Variants in ANK2 observed in about 807,000 individuals in gnomAD.
ANK2 encodes ankyrin-2.
ANK2 carries 83 observed loss-of-function variants against 360.5 expected under a neutral mutation model. The ratio of observed to expected loss-of-function variants is 0.23; its 90% confidence interval spans 0.19 to 0.28. The LOEUF (loss-of-function observed/expected upper bound fraction) is 0.28. ANK2 is among the 10% of genes least tolerant of loss of function. The pLI is 1.00. For missense variants in ANK2, 4,201 were observed against 4,795.7 expected, an observed-to-expected ratio of 0.88 and a Z score of 3.66; for synonymous variants, 1,740 against 1,759.5, an observed-to-expected ratio of 0.99 and a Z score of 0.28.
intron 2 of ANK2, among the ~76,000 whole-genome samples, chr4:113,027,501 G>T (rs191768550): frequency 2.2e-3 from 340 of 152,196 alleles, no homozygotes; most frequent in Admixed American, 4.7e-3. Context: ...CTTCTACTGA[G>T]TTCAGTGTCT....
intron 2 of ANK2, among the ~76,000 whole-genome samples, chr4:112,937,669 T>C (rs1033992504): frequency 7.9e-5 from 12 of 152,212 alleles, no homozygotes; most frequent in Non-Finnish European, 1.6e-4. Flanking sequence ...GTCTGATTAG[T>C]TTGGTTTCCT....
At chr4:112,812,321 G>A in the ANK2 span, among the ~76,000 whole-genome samples, 1 of 152,088 alleles carries the variant, frequency 6.6e-6, no homozygotes, top group Non-Finnish European at 1.5e-5. Flanking sequence ...ATTTACCAAA[G>A]CAGGATACAC....
At chr4:112,731,954 C>T in the ANK2 span, among the ~76,000 whole-genome samples, 1 of 152,116 alleles carries the variant, frequency 6.6e-6, no homozygotes, top group Non-Finnish European at 1.5e-5. Context: ...CCATGCCTGG[C>T]TCAGGGATTT....
intron 1 of ANK2, among the ~76,000 whole-genome samples, chr4:112,830,049 G>A (rs2059384669): frequency 6.6e-6 from 1 of 152,182 alleles, no homozygotes; most frequent in South Asian, 2.1e-4. Context: ...TCCACTGCTG[G>A]TGGGAATGTA....
rs145381736 is a variant in ANK2, at chr4:113,371,588, T to C, written c.11611-1502T>C. On this transcript the variant is annotated intron_variant, in intron 43 of 45. Coordinates refer to ENST00000357077, the MANE Select transcript of ANK2 (RefSeq NM_001148.6). ...CATAATTTATACAGGCCTGTTCGAC[T>C]TATTCTTGATGAGTATCAGGCATTT... 7.9e-5 allele frequency among the ~76,000 whole-genome samples: 12 copies of C among 152,338 alleles called. No homozygotes were observed. The East Asian group carries it at 2.1e-3, about 27-fold the overall frequency.
intron 2 of ANK2, among the ~76,000 whole-genome samples, chr4:113,175,004 C>A (rs1038376967): frequency 6.6e-6 from 1 of 152,180 alleles, no homozygotes; most frequent in African/African-American, 2.4e-5. Flanking sequence ...ATCCATTCAT[C>A]ATGTCCATTT....
the ANK2 span, among the ~76,000 whole-genome samples, chr4:112,790,184 A>G: frequency 6.6e-6 from 1 of 152,232 alleles, no homozygotes; most frequent in Non-Finnish European, 1.5e-5. Flanking sequence ...AAGAGAATAA[A>G]TAAGAGAAGA....
intron 1 of ANK2, among the ~76,000 whole-genome samples, chr4:113,129,592 A>G (rs990398824): frequency 6.6e-6 from 1 of 152,202 alleles, no homozygotes; most frequent in Non-Finnish European, 1.5e-5. Flanking sequence ...TATTTGAGTA[A>G]ATAGCACATG....
intron 11 of ANK2, among the ~76,000 whole-genome samples, chr4:113,257,261 A>G (rs1432168077): frequency 6.6e-6 from 1 of 152,176 alleles, no homozygotes; most frequent in Non-Finnish European, 1.5e-5. Flanking sequence ...GCACCGGGCC[A>G]TTTAACATAT....
chr4:113,190,826 T>C (rs2098648968), intron 2 of ANK2, among the ~76,000 whole-genome samples: 1 of 152,232 alleles, frequency 6.6e-6, no homozygotes, highest in Non-Finnish European at 1.5e-5. Context: ...AGCTATTATT[T>C]AAATGATTTG....
At chr4:113,078,338 A>G (rs1247042847) in intron 1 of ANK2, among the ~76,000 whole-genome samples, 10 of 152,188 alleles carry the variant, frequency 6.6e-5, no homozygotes, top group Admixed American at 6.5e-4. Flanking sequence ...CTGTGATGTC[A>G]TTGGCAGAAG....
At chr4:112,831,791 C>T (rs1198120798) in intron 1 of ANK2, among the ~76,000 whole-genome samples, 2 of 152,184 alleles carry the variant, frequency 1.3e-5, no homozygotes, top group Admixed American at 6.5e-5. Flanking sequence ...TCTGCAGCTT[C>T]ACTCCTGAAG....
intron 38 of ANK2, among the ~76,000 whole-genome samples, chr4:113,359,844 G>A (rs2096085754): frequency 1.3e-5 from 2 of 152,222 alleles, no homozygotes; most frequent in South Asian, 2.1e-4. Flanking sequence ...GATACCATTG[G>A]TAAATACTTT....
At chr4:113,232,290 C>A (rs767811410) in intron 5 of ANK2, 31 bp downstream of exon 5, 59 of 1,470,428 alleles carry the variant, frequency 4.0e-5, no homozygotes, top group Non-Finnish European at 5.1e-5. Flanking sequence ...GCCTTGAATT[C>A]TTTGATCTTA....
the ANK2 span, among the ~76,000 whole-genome samples, chr4:112,799,061 T>A: frequency 6.6e-6 from 1 of 152,206 alleles, no homozygotes; most frequent in Non-Finnish European, 1.5e-5. Flanking sequence ...GTAAATGGAG[T>A]CACACTATTT....
In ANK2 at chr4:113,244,162, T is replaced by C. The variant is rs538704423; in HGVS notation, c.891+1953T>C. Among the ~76,000 whole-genome samples, 37 of 152,312 alleles carry C rather than the reference T, an allele frequency of 2.4e-4. 1 individual carries two copies. Among genetic ancestry groups the C allele is most frequent in the South Asian group, 1.2e-3 (6 of 4,824 alleles). On this transcript the variant is annotated intron_variant, in intron 9 of 45. Transcript: ENST00000357077. ...GATACAGCAAATAAATTAAATTTCA[T>C]TCAAGGATTTAAAAAGAATAAAATA...
At chr4:113,349,169 A>G (rs2095218368) in intron 36 of ANK2, among the ~76,000 whole-genome samples, 1 of 152,194 alleles carries the variant, frequency 6.6e-6, no homozygotes, top group Non-Finnish European at 1.5e-5. Flanking sequence ...CCTTGAATAA[A>G]TAGCTGTATG....
intron 2 of ANK2, among the ~76,000 whole-genome samples, chr4:112,952,713 AATT>A (rs537639432): frequency 8.5e-5 from 13 of 152,330 alleles, no homozygotes; most frequent in Non-Finnish European, 1.5e-4. Flanking sequence ...TATTGAGCAA[AATT>A]ATTATCATAC....
Position 113,373,368 on chromosome 4 carries a change from A to G in ANK2, c.11778A>G (p.Glu3926=), listed in dbSNP as rs2154074821. The change falls in exon 45 of 46, where the codon GAA becomes GAG. Residue 3926 remains glutamate, a synonymous_variant. Coordinates refer to ENST00000357077, the MANE Select transcript of ANK2 (RefSeq NM_001148.6). ...EEIMVQGMPQ[E]PVNIEEGDGY... ...TTATGGTGCAGGGAATGCCACAGGAACCTGTCAACATCGAGGAAGGGGATG... is the reference window on the plus strand; with the variant it reads ...TTATGGTGCAGGGAATGCCACAGGAGCCTGTCAACATCGAGGAAGGGGATG... 6.2e-7 allele frequency: 1 copy of G among 1,614,184 alleles called. No individual in the cohort carries two copies. The highest frequency in any genetic ancestry group is 1.1e-5 in the South Asian group (1 of 91,076).
Sources: gnomAD v4.1 joint callset for allele counts (sites outside exome capture counted in the v4.1 genomes callset) on GRCh38, gnomAD v4.1.1 for gene constraint, MANE v1.5 for transcripts, NCBI Gene and HGNC (gene_info 2026-07-23, HGNC 2026-07-21) for gene names.